Variants in DIPK1A observed in about 807,000 individuals in gnomAD.
The protein encoded by DIPK1A is divergent protein kinase domain 1A.
Under a neutral mutation model 40.8 loss-of-function variants are expected in DIPK1A, and 27 were observed. The ratio of observed to expected loss-of-function variants is 0.66; its 90% CI spans 0.49 to 0.91. The LOEUF (loss-of-function observed/expected upper bound fraction) is 0.91. Among genes scored for constraint, DIPK1A ranks in the 40% least tolerant of loss-of-function variants. DIPK1A has a pLI of 0.00. For missense variants in DIPK1A, 412 were observed against 505.7 expected (o/e 0.81, Z 1.78); for synonymous variants, 166 against 171.3 (o/e 0.97, Z 0.24).
chr1:92,834,943 GT>G, intron 4 of DIPK1A: 1 of 1,599,820 alleles, frequency 6.3e-7, no homozygotes, highest in Non-Finnish European at 8.5e-7. Context: ...AATTGATGTA[GT>G]TTGTGGCTGA....
intron 1 of DIPK1A, among the ~76,000 whole-genome samples, chr1:92,959,447 A>AT (rs1553136499): frequency 7.2e-6 from 1 of 139,608 alleles, no homozygotes; most frequent in Admixed American, 7.3e-5. Context: ...ACAGTAAAAC[A>AT]CTTTTTTTTT....
chr1:92,871,147 CTATTCTTT>C (rs1188644448), intron 2 of DIPK1A, among the ~76,000 whole-genome samples: 1 of 151,884 alleles, frequency 6.6e-6, no homozygotes, highest in African/African-American at 2.4e-5. Context: ...TTTGGACTGA[CTATTCTTT>C]TATTCTTTTA....
intron 1 of DIPK1A, among the ~76,000 whole-genome samples, chr1:92,927,373 T>G (rs11577784): frequency 2.9e-4 from 29 of 99,580 alleles, no homozygotes; most frequent in Admixed American, 4.1e-4. Flanking sequence ...TGTTTTTTTT[T>G]TTTTTTTTTT....
At chr1:92,833,256 C>T in intron 4 of DIPK1A, 1 of 750,608 alleles carries the variant, frequency 1.3e-6, no homozygotes. Flanking sequence ...GCTTGTGAAA[C>T]CTGGGATTCT....
intron 1 of DIPK1A, among the ~76,000 whole-genome samples, chr1:92,893,676 C>T (rs1243236421): frequency 6.6e-6 from 1 of 151,248 alleles, no homozygotes; most frequent in East Asian, 1.9e-4. Flanking sequence ...TGTAAATGGG[C>T]TAAATGCTCC....
At chr1:92,891,276 A>T (rs1571096223) in intron 1 of DIPK1A, among the ~76,000 whole-genome samples, 1 of 148,500 alleles carries the variant, frequency 6.7e-6, no homozygotes. Flanking sequence ...CCAATTTTTC[A>T]TTTCATTGAT....
intron 1 of DIPK1A, among the ~76,000 whole-genome samples, chr1:92,943,975 A>G (rs1296808303): frequency 6.6e-6 from 1 of 152,232 alleles, no homozygotes; most frequent in Non-Finnish European, 1.5e-5. Flanking sequence ...ATAAGAAAAC[A>G]TTAAAAAATA....
At chr1:92,941,284 T>C (rs1651141948) in intron 1 of DIPK1A, among the ~76,000 whole-genome samples, 1 of 152,220 alleles carries the variant, frequency 6.6e-6, no homozygotes, top group Non-Finnish European at 1.5e-5. Context: ...AGAAACTTTT[T>C]TCACATAAAT....
In DIPK1A at chr1:92,833,372, A is replaced by T. The variant is rs771831213; in HGVS notation, c.475-338T>A. The T allele has an allele frequency of 3.6e-5, 58 of 1,592,976 alleles. No homozygotes were observed. Among genetic ancestry groups the T allele is most frequent in the Non-Finnish European group, 4.2e-5 (49 of 1,161,294 alleles). ...GCTAAGACATCAAAGTTTTAATAAC[A>T]TTCTTTTTTCTTTAAGGGGTTTGTT... On this transcript the variant is annotated intron_variant, in intron 4 of 4. Transcript: ENST00000615519.
chr1:92,873,874 G>C (rs1033392746), intron 2 of DIPK1A, among the ~76,000 whole-genome samples: 1 of 152,024 alleles, frequency 6.6e-6, no homozygotes, highest in Admixed American at 6.6e-5. Flanking sequence ...ATCATGCCTG[G>C]CTAAAATATA....
At chr1:92,876,639 G>A (rs1317656451) in intron 1 of DIPK1A, among the ~76,000 whole-genome samples, 2 of 152,068 alleles carry the variant, frequency 1.3e-5, no homozygotes, top group African/African-American at 4.8e-5. Flanking sequence ...AGGAAAAAGG[G>A]AACAAAATAT....
At chr1:92,936,801 T>A (rs898024824) in intron 1 of DIPK1A, among the ~76,000 whole-genome samples, 7 of 152,186 alleles carry the variant, frequency 4.6e-5, no homozygotes, top group African/African-American at 1.7e-4. Flanking sequence ...ATGATGAAGT[T>A]TGATCCTGTT....
chr1:92,897,297 C>T (rs1388476421), intron 1 of DIPK1A, among the ~76,000 whole-genome samples: 4 of 152,122 alleles, frequency 2.6e-5, no homozygotes, highest in Non-Finnish European at 5.9e-5. Context: ...AAATGTGGCA[C>T]ATATACACCA....
chr1:92,910,356 CT>C (rs1649783376), intron 1 of DIPK1A, among the ~76,000 whole-genome samples: 1 of 152,138 alleles, frequency 6.6e-6, no homozygotes, highest in African/African-American at 2.4e-5. Flanking sequence ...GGATCCACCC[CT>C]AGACCTACTG....
intron 1 of DIPK1A, among the ~76,000 whole-genome samples, chr1:92,897,323 C>T (rs1649214418): frequency 6.6e-6 from 1 of 152,022 alleles, no homozygotes; most frequent in South Asian, 2.1e-4. Context: ...TACTATGCAG[C>T]CATAAAAAAG....
At chr1:92,887,631 G>A (rs1224249941) in intron 1 of DIPK1A, among the ~76,000 whole-genome samples, 4 of 152,214 alleles carry the variant, frequency 2.6e-5, no homozygotes. Flanking sequence ...ACCTGTAGAT[G>A]TGTGATTGAG....
intron 2 of DIPK1A, among the ~76,000 whole-genome samples, chr1:92,859,239 T>C (rs1211322092): frequency 1.3e-5 from 2 of 152,206 alleles, no homozygotes; most frequent in Non-Finnish European, 2.9e-5. Context: ...AAAAAATAGC[T>C]GAGTTGGGTT....
chr1:92,833,348 C>G (rs1415526360), intron 4 of DIPK1A: 2 of 1,481,060 alleles, frequency 1.4e-6, no homozygotes, highest in East Asian at 2.3e-5. Flanking sequence ...GTATCATAGG[C>G]TAAGACATCA....
chr1:92,941,921 C>A (rs1449447956), intron 1 of DIPK1A, among the ~76,000 whole-genome samples: 2 of 150,414 alleles, frequency 1.3e-5, no homozygotes, highest in African/African-American at 2.5e-5. Context: ...ACCCAGGAGG[C>A]GGAGGTTGCA....
Sources: gnomAD v4.1 joint callset for allele counts (sites outside exome capture counted in the v4.1 genomes callset) on GRCh38, gnomAD v4.1.1 for gene constraint, MANE v1.5 for transcripts, NCBI Gene and HGNC (gene_info 2026-07-23, HGNC 2026-07-21) for gene names.